DGCR6L: variants seen among roughly 807,000 people sequenced by gnomAD.
The protein encoded by DGCR6L is protein DGCR6L.
A neutral mutation model predicts 31.1 loss-of-function variants in DGCR6L; 24 were observed. The observed-to-expected ratio is 0.77, with a 90% CI of 0.56 to 1.08. DGCR6L has a LOEUF of 1.08. Ranked by LOEUF, DGCR6L falls within the 50% of genes least tolerant of loss-of-function variation. The pLI is 0.00. For synonymous variants in DGCR6L, 104 were observed against 126.1 expected, an observed-to-expected ratio of 0.82 and a Z score of 1.17; for missense variants, 218 against 287.1, an observed-to-expected ratio of 0.76 and a Z score of 1.74.
chr22:20,315,564 C>T, intron 3 of DGCR6L, 88 bp from the exon 4 acceptor site: 1 of 1,527,868 alleles, frequency 6.5e-7, no homozygotes, highest in East Asian at 2.3e-5. Flanking sequence ...CAAACACATG[C>T]TCCTGCTGCC....
rs1426880555 is a variant in DGCR6L, at chr22:20,320,032, C to A, written c.-44G>T. On this transcript the variant is annotated 5_prime_UTR_variant, in exon 1 of 5. Transcript: ENST00000248879. ...CCGCCGGCGGCGGCGACGAGCTCCC[C>A]CAGCTTCACGACATCCCGAGCGCGG... is the stretch of plus-strand genomic sequence containing the variant. The A allele has an allele frequency of 6.7e-7, 1 of 1,496,354 alleles. No homozygotes were observed. The highest frequency in any genetic ancestry group is 8.9e-7 in the Non-Finnish European group (1 of 1,127,972). 92.7% of individuals were successfully genotyped at this position (1,496,354 alleles called of 1,614,324 possible).
Position 20,315,368 on chromosome 22 carries a change from C to T in DGCR6L, c.481G>A (p.Val161Met). The T allele has an allele frequency of 2.5e-6, 4 of 1,613,860 alleles. No homozygotes were observed. The highest frequency in any genetic ancestry group is 3.4e-6 in the Non-Finnish European group (4 of 1,179,992). The stretch of plus-strand genomic sequence containing the variant: ...TTGGTGGTCACGTAGAAGCCAGCCA[C>T]CCCCGCCTTCTCCAGTGTGCTCTGC... Reference protein sequence around the residue: ...DQQSTLEKAGVAGFYVTTNPQ... With the variant: ...DQQSTLEKAGMAGFYVTTNPQ... Residue 161 changes from valine to methionine, a missense_variant, in exon 4 of 5, where the codon GTG becomes ATG. By Grantham distance (21) the Val-to-Met change is conservative. This residue lies in a region of DGCR6L where 58 missense variants were observed against 105.4 expected (regional missense o/e 0.55). Transcript: ENST00000248879.
chr22:20,315,600 C>G, intron 3 of DGCR6L, 124 bp from the exon 4 acceptor site: 2 of 1,418,522 alleles, frequency 1.4e-6, no homozygotes, highest in African/African-American at 1.4e-5. Flanking sequence ...AGCTCTGACA[C>G]CACCGGTGCA....
chr22:20,318,953 G>A (rs759154670), intron 2 of DGCR6L, among the ~76,000 whole-genome samples: 1 of 152,208 alleles, frequency 6.6e-6, no homozygotes, highest in African/African-American at 2.4e-5. Flanking sequence ...AGAGCAAAAC[G>A]TTAACTATTG....
chr22:20,315,510 T>C (rs1323233540), intron 3 of DGCR6L, 34 bp from the exon 4 acceptor site: 1 of 1,604,740 alleles, frequency 6.2e-7, no homozygotes, highest in Non-Finnish European at 8.5e-7. Flanking sequence ...GGGGGAGAGG[T>C]GAGGGCAGCT....
intron 3 of DGCR6L, 58 bp from the exon 4 acceptor site, chr22:20,315,534 G>T: frequency 6.3e-7 from 1 of 1,584,568 alleles, no homozygotes. Context: ...CCATCAGGGG[G>T]CGGGGAGGTG....
intron 2 of DGCR6L, among the ~76,000 whole-genome samples, chr22:20,319,183 G>C (rs535461514): frequency 2.2e-4 from 33 of 152,342 alleles, no homozygotes; most frequent in Admixed American, 1.8e-3. Context: ...CGCCACAGGA[G>C]ACAGTGCTTA....
In DGCR6L at chr22:20,316,641, G is replaced by A. The variant is rs547617240; in HGVS notation, c.272-422C>T. 7.9e-5 allele frequency among the ~76,000 whole-genome samples: 12 copies of A among 152,324 alleles called. 1 individual carries two copies. The South Asian group carries it at 2.5e-3, about 32-fold the overall frequency. On this transcript the variant is annotated intron_variant, in intron 2 of 4. Transcript: ENST00000248879. ...AAGGAGCAGGAGGAGCGGGGTCGCTGACCCTGAGCGTGGGGCCTCTGCCTA... is the reference window on the plus strand; with the variant it reads ...AAGGAGCAGGAGGAGCGGGGTCGCTAACCCTGAGCGTGGGGCCTCTGCCTA...
chr22:20,314,737 C>G lies in DGCR6L; in HGVS notation c.601G>C (p.Gly201Arg), dbSNP rs779259627. Residue 201 changes from glycine (G) to arginine (R), a missense_variant, in exon 5 of 5, where the codon GGA (glycine) becomes CGA (arginine). Gly to Arg is a moderately radical substitution (Grantham distance 125). This residue lies in a region of DGCR6L where 58 missense variants were observed against 105.4 expected (regional missense o/e 0.55). Coordinates refer to ENST00000248879, the MANE Select transcript of DGCR6L (RefSeq NM_033257.4). The part of the protein sequence containing the change: ...CRAGNAALGL[G>R]GPWQSPAAQC... ...GCAGCAGGCGACTGCCAGGGACCTC[C>G]CAGTCCCAGGGCTGCATTCCCTGCC... 1.2e-5 allele frequency: 20 copies of G among 1,611,964 alleles called. No homozygotes were observed. The highest frequency in any genetic ancestry group is 4.0e-5 in the African/African-American group (3 of 74,908).
intron 3 of DGCR6L, 73 bp from the exon 4 acceptor site, chr22:20,315,549 C>T: frequency 6.4e-7 from 1 of 1,560,778 alleles, no homozygotes; most frequent in Non-Finnish European, 8.7e-7. Context: ...GAGGTGAGGG[C>T]AGCTCAAACA....
At position 20,319,805 on chromosome 22, in the gene DGCR6L, G is replaced by A. The variant is rs773885190; in HGVS notation, c.111-6C>T. On this transcript the variant is annotated splice_polypyrimidine_tract_variant and splice_region_variant and intron_variant, in intron 1 of 4. Transcript: ENST00000248879. ...ACAGGCGCTGCTGGAAAGAGCTGCGGGTAGGGGGGCGCGGTGAGCCCCGGC... is the reference window on the plus strand; with the variant it reads ...ACAGGCGCTGCTGGAAAGAGCTGCGAGTAGGGGGGCGCGGTGAGCCCCGGC... 4.4e-6 allele frequency: 7 copies of A among 1,607,466 alleles called. No homozygotes were observed. In the African/African-American group the frequency reaches 9.4e-5, roughly 21 times the overall value.
At chr22:20,319,134 G>C (rs2051589503) in intron 2 of DGCR6L, among the ~76,000 whole-genome samples, 1 of 152,234 alleles carries the variant, frequency 6.6e-6, no homozygotes, top group Admixed American at 6.5e-5. Context: ...CCACCAAGCA[G>C]GCCTGGCTCA....
chr22:20,317,676 A>C (rs888479747), intron 2 of DGCR6L, among the ~76,000 whole-genome samples: 1 of 152,232 alleles, frequency 6.6e-6, no homozygotes, highest in Non-Finnish European at 1.5e-5. Context: ...AAAACAAGAA[A>C]AGATGAGCCT....
chr22:20,316,355 A>G, intron 2 of DGCR6L, 136 bp from the exon 3 acceptor site: 1 of 1,178,624 alleles, frequency 8.5e-7, no homozygotes, highest in Admixed American at 2.0e-5. Context: ...AGCCTCCTCC[A>G]TCCTCCCACC....
chr22:20,317,759 C>G (rs551903297), intron 2 of DGCR6L, among the ~76,000 whole-genome samples: 58 of 152,336 alleles, frequency 3.8e-4, no homozygotes, highest in African/African-American at 1.3e-3. Context: ...GTGCCTGGAG[C>G]GCCCCCAACT....
rs946141892 is a variant in DGCR6L at position 20,319,587 on chromosome 22, C to T, written c.271+52G>A. On this transcript the variant is annotated intron_variant, in intron 2 of 4. Transcript: ENST00000248879. Reference sequence around the variant, plus strand: ...ATCTGCACAGATACCAAGAGCTGCCCGGAGGCGCCGACCCGGAGGAGGCGG... The same window carrying T: ...ATCTGCACAGATACCAAGAGCTGCCTGGAGGCGCCGACCCGGAGGAGGCGG... The T allele has an allele frequency of 2.5e-6, 4 of 1,594,432 alleles. No individual in the cohort carries two copies. The Admixed American group carries it at 7.0e-5, about 28-fold the overall frequency.
At chr22:20,319,513 T>C in intron 2 of DGCR6L, 126 bp downstream of exon 2, 1 of 1,445,896 alleles carries the variant, frequency 6.9e-7, no homozygotes, top group East Asian at 2.5e-5. Flanking sequence ...CGCCCGTTGA[T>C]TTTGTCAATC....
rs372738959 is a variant in DGCR6L, at chr22:20,315,174, G to C, written c.513+162C>G. 136 of 1,493,490 alleles carry C rather than the reference G, an allele frequency of 9.1e-5. No homozygotes were observed. The South Asian group carries it at 1.4e-3, about 15-fold the overall frequency. The allele number at this position is 1,493,490 out of a possible 1,614,324, so 92.5% of individuals were successfully genotyped here. A position where few individuals can be genotyped will look rare whatever the true frequency, so the allele number is the denominator to read the frequency against. On this transcript the variant is annotated intron_variant, in intron 4 of 4. Coordinates refer to ENST00000248879, the MANE Select transcript of DGCR6L (RefSeq NM_033257.4). ...CACCCTCCTGTAGGGAATGGGCCTG[G>C]CCTCCGTGCTGGGAATGGCACAGAA...
intron 2 of DGCR6L, among the ~76,000 whole-genome samples, chr22:20,317,204 C>T (rs1273810764): frequency 6.6e-6 from 1 of 152,220 alleles, no homozygotes; most frequent in African/African-American, 2.4e-5. Context: ...CAGCCTTCCC[C>T]GATCTCCTGT....
Sources: allele counts gnomAD v4.1 joint callset (sites outside exome capture counted in the v4.1 genomes callset), GRCh38; gene constraint gnomAD v4.1.1; regional missense constraint gnomAD v4.1.1; transcripts MANE v1.5; gene names NCBI Gene and HGNC (gene_info 2026-07-23, HGNC 2026-07-21).